AQP8: variants seen among roughly 807,000 people sequenced by gnomAD.
The protein encoded by AQP8 is aquaporin 8.
Under a neutral mutation model 26.1 loss-of-function variants are expected in AQP8, and 14 were observed. That is an observed-to-expected ratio of 0.54 (90% confidence interval 0.35 to 0.84). The LOEUF (loss-of-function observed/expected upper bound fraction) is 0.84, where lower values mean the gene tolerates loss of function less well. Among genes scored for constraint, AQP8 ranks in the 40% least tolerant of loss-of-function variants. AQP8 has a pLI of 0.01. For synonymous variants in AQP8, 131 were observed against 150.7 expected (o/e 0.87, Z 0.96); for missense variants, 301 against 340.5 (o/e 0.88, Z 0.91).
At position 25,227,676 on chromosome 16, in the gene AQP8, C is replaced by T. The variant is rs372634174; in HGVS notation, c.737+474C>T. On this transcript the variant is annotated intron_variant, in intron 5 of 5. Coordinates refer to ENST00000219660, the MANE Select transcript of AQP8 (RefSeq NM_001169.3). ...CTAATTTTTATATTTTTAGTAGAGT[C>T]GGGTTTTCACCGTGTTGACCAGGCT... is the stretch of plus-strand genomic sequence containing the variant. 5.3e-5 allele frequency among the ~76,000 whole-genome samples: 8 copies of T among 152,064 alleles called. 1 individual carries two copies. The highest frequency in any genetic ancestry group is 2.4e-5 in the African/African-American group (1 of 41,516).
Position 25,221,580 on chromosome 16 carries a change from C to A in AQP8, c.384C>A (p.Ala128=), listed in dbSNP as rs376357517. ...GGGGGATGCTCGGGGCTGCCTTGGC[C>A]AAGGTGGGTAAACCCCAGGGGCTGG... The part of the protein sequence containing the change: ...LLGGMLGAAL[A]KAVSPEERFW... The change falls in exon 3 of 6, where the codon GCC becomes GCA. Residue 128 remains alanine, a synonymous_variant. Transcript: ENST00000219660. 1 of 1,613,732 alleles carries A rather than the reference C, an allele frequency of 6.2e-7. No homozygotes were observed. The highest frequency in any genetic ancestry group is 1.3e-5 in the African/African-American group (1 of 74,866).
intron 4 of AQP8, 102 bp downstream of exon 4, chr16:25,224,678 C>A: frequency 1.6e-6 from 2 of 1,232,862 alleles, no homozygotes; most frequent in Non-Finnish European, 2.3e-6. Flanking sequence ...CTATTAGGGG[C>A]CAGGAAGGTG....
chr16:25,222,462 C>T (rs1962576163), intron 3 of AQP8, among the ~76,000 whole-genome samples: 1 of 152,196 alleles, frequency 6.6e-6, no homozygotes, highest in African/African-American at 2.4e-5. Context: ...CTGCCTTGGC[C>T]TCCCAAAGTG....
chr16:25,225,735 T>C (rs1962623857), intron 4 of AQP8, among the ~76,000 whole-genome samples: 1 of 151,958 alleles, frequency 6.6e-6, no homozygotes, highest in Non-Finnish European at 1.5e-5. Context: ...ACTTCGAAGC[T>C]GGACACAGGG....
chr16:25,218,913 C>A (rs1432155030), intron 2 of AQP8, among the ~76,000 whole-genome samples: 2 of 151,132 alleles, frequency 1.3e-5, no homozygotes, highest in Non-Finnish European at 3.0e-5. Context: ...AAACAAAAAA[C>A]AAACCACATC....
In AQP8 at chr16:25,221,565, C is replaced by T. The variant is rs146177689; in HGVS notation, c.369C>T (p.Leu123=). 3.0e-4 allele frequency: 487 copies of T among 1,613,880 alleles called. No homozygotes were observed. The highest frequency in any genetic ancestry group is 2.5e-4 in the Non-Finnish European group (299 of 1,179,988). The part of the protein sequence containing the change: ...YWVSQLLGGM[L]GAALAKAVSP... ...TCTCACAGCTGCTCGGGGGGATGCT[C>T]GGGGCTGCCTTGGCCAAGGTGGGTA... The change falls in exon 3 of 6, where the codon CTC becomes CTT. Residue 123 remains leucine, a synonymous_variant. Coordinates refer to ENST00000219660, the MANE Select transcript of AQP8 (RefSeq NM_001169.3).
chr16:25,221,740 T>A (rs1211947385), intron 3 of AQP8, among the ~76,000 whole-genome samples, 157 bp downstream of exon 3: 1 of 152,002 alleles, frequency 6.6e-6, no homozygotes, highest in Non-Finnish European at 1.5e-5. Flanking sequence ...CTTCTCTCTT[T>A]CTTTCTTATT....
chr16:25,217,274 G>T lies in AQP8; in HGVS notation c.89G>T (p.Trp30Leu). The T allele has an allele frequency of 6.2e-7, 1 of 1,614,180 alleles. No individual in the cohort carries two copies. The highest frequency in any genetic ancestry group is 1.7e-5 in the Admixed American group (1 of 60,022). The change falls in exon 2 of 6, where the codon TGG becomes TTG. Residue 30 changes from tryptophan (W) to leucine (L), a missense_variant. By Grantham distance (61) the Trp-to-Leu change is moderately conservative (BLOSUM62 -2). Coordinates refer to ENST00000219660, the MANE Select transcript of AQP8 (RefSeq NM_001169.3). ...PSVGGRWRVS[W>L]YERFVQPCLV... ...GTGGGTGGCAGGTGGCGAGTGTCCT[G>T]GTACGAACGGTTTGTGCAGCCATGT... is the stretch of plus-strand genomic sequence containing the variant.
chr16:25,221,882 C>G (rs111393199), intron 3 of AQP8, among the ~76,000 whole-genome samples: 5,283 of 152,226 alleles, frequency 0.035, 112 homozygotes, highest in African/African-American at 0.05. Context: ...ATTCTCCCAC[C>G]TCAGCCTCCT....
chr16:25,228,337 G>T, intron 5 of AQP8, 107 bp from the exon 6 acceptor site: 1 of 977,062 alleles, frequency 1.0e-6, no homozygotes, highest in Non-Finnish European at 1.6e-6. Flanking sequence ...TTAAGGCTGG[G>T]GAGGCTCAGG....
At chr16:25,219,523 G>A (rs1962530264) in intron 2 of AQP8, among the ~76,000 whole-genome samples, 1 of 151,492 alleles carries the variant, frequency 6.6e-6, no homozygotes, top group Non-Finnish European at 1.5e-5. Context: ...GCTAATGAGT[G>A]TAAACCAGGA....
chr16:25,217,753 C>T (rs1417770916), intron 2 of AQP8, among the ~76,000 whole-genome samples: 2 of 152,230 alleles, frequency 1.3e-5, no homozygotes, highest in East Asian at 3.8e-4. Context: ...GTCTTGAACT[C>T]CTGGTCTCAA....
chr16:25,221,492 C>G lies in AQP8; in HGVS notation c.296C>G (p.Ala99Gly). The G allele has an allele frequency of 6.2e-7, 1 of 1,614,128 alleles. No homozygotes were observed. Among genetic ancestry groups the G allele is most frequent in the East Asian group, 2.2e-5 (1 of 44,872 alleles). The change falls in exon 3 of 6, where the codon GCC (alanine) becomes GGC (glycine). Residue 99 changes from alanine to glycine, a missense_variant. Physicochemically the swap from Ala to Gly is moderately conservative, Grantham distance 60. Transcript: ENST00000219660. ...GHFNPAVSLAAMLIGGLNLVM... is the reference protein window; with the variant it reads ...GHFNPAVSLAGMLIGGLNLVM... ...TTCAACCCTGCGGTGTCCCTGGCAG[C>G]CATGCTGATCGGAGGCCTCAACCTG...
At chr16:25,223,830 C>CTTTTTTT (rs112495757) in intron 3 of AQP8, among the ~76,000 whole-genome samples, 1 of 144,454 alleles carries the variant, frequency 6.9e-6, no homozygotes, top group African/African-American at 2.5e-5. Context: ...TTTTCTTTTT[C>CTTTTTTT]TTTTTTTTTT....
chr16:25,224,976 T>G (rs1404753530), intron 4 of AQP8, among the ~76,000 whole-genome samples: 1 of 152,204 alleles, frequency 6.6e-6, no homozygotes, highest in Non-Finnish European at 1.5e-5. Flanking sequence ...GTCTCATTTA[T>G]TTTTAGACTC....
rs1597632567 is a variant in AQP8 at position 25,228,675 on chromosome 16, A to G, written c.*183A>G. The G allele has an allele frequency of 1.6e-5, 10 of 610,644 alleles. No individual in the cohort carries two copies. The East Asian group carries it at 2.9e-4, about 18-fold the overall frequency. The allele number at this position is 610,644 out of a possible 1,614,324, so 37.8% of individuals were successfully genotyped here. ...GCTGAGGAGGCTCTAGGTTCTTGGA[A>G]TTCCTTTGTGCTCATCAGAGACCCC... is the stretch of plus-strand genomic sequence containing the variant. On this transcript the variant is annotated 3_prime_UTR_variant, in exon 6 of 6. Coordinates refer to ENST00000219660, the MANE Select transcript of AQP8 (RefSeq NM_001169.3).
At chr16:25,223,812 A>ATTTTTC (rs928257442) in intron 3 of AQP8, among the ~76,000 whole-genome samples, 4 of 150,594 alleles carry the variant, frequency 2.7e-5, no homozygotes, top group Admixed American at 6.6e-5. Flanking sequence ...GGTTATCCCC[A>ATTTTTC]TTTTTCTTTT....
At chr16:25,221,731 TTCTC>T in intron 3 of AQP8, 148 bp downstream of exon 3, 4 of 951,652 alleles carry the variant, frequency 4.2e-6, no homozygotes, top group Non-Finnish European at 4.6e-6. Flanking sequence ...GACGTTTTTC[TTCTC>T]TCTTTCTTTC....
chr16:25,217,077 C>T lies in AQP8; in HGVS notation c.12+20C>T, dbSNP rs202067010. 1.1e-5 allele frequency: 18 copies of T among 1,613,852 alleles called. No homozygotes were observed. The highest frequency in any genetic ancestry group is 8.5e-7 in the Non-Finnish European group (1 of 1,180,040). On this transcript the variant is annotated intron_variant, in intron 1 of 5. Coordinates refer to ENST00000219660, the MANE Select transcript of AQP8 (RefSeq NM_001169.3). ...GGAGAGGTGAGCCCTCTGTCGGCATCTTCCTCTCCAGGCTGGCAGAGCAAG... is the reference window on the plus strand; with the variant it reads ...GGAGAGGTGAGCCCTCTGTCGGCATTTTCCTCTCCAGGCTGGCAGAGCAAG...
Sources: allele counts gnomAD v4.1 joint callset (sites outside exome capture counted in the v4.1 genomes callset), GRCh38; gene constraint gnomAD v4.1.1; transcripts MANE v1.5; gene names NCBI Gene and HGNC (gene_info 2026-07-23, HGNC 2026-07-21).